SGCD: variants seen among roughly 807,000 people sequenced by gnomAD.
SGCD encodes delta-sarcoglycan.
Under a neutral mutation model 36.6 loss-of-function variants are expected in SGCD, and 18 were observed. The observed-to-expected ratio is 0.49, with a 90% CI of 0.34 to 0.73. The LOEUF is 0.73. SGCD is among the 30% of genes least tolerant of loss of function. The pLI, the probability that SGCD is intolerant of heterozygous loss-of-function variation, is 0.01. For missense variants in SGCD, 387 were observed against 346.7 expected, an observed-to-expected ratio of 1.12 and a Z score of -0.92; for synonymous variants, 133 against 130.6, an observed-to-expected ratio of 1.02 and a Z score of -0.12.
At chr5:155,862,032 G>T in the SGCD span, among the ~76,000 whole-genome samples, 2 of 152,292 alleles carry the variant, frequency 1.3e-5, no homozygotes, top group East Asian at 3.9e-4. Flanking sequence ...GCTGCTAGCT[G>T]TTCTTCTCAG....
chr5:155,810,061 G>A, the SGCD span, among the ~76,000 whole-genome samples: 6 of 152,138 alleles, frequency 3.9e-5, no homozygotes, highest in African/African-American at 1.4e-4. Flanking sequence ...AATAATTGAT[G>A]TAGGGTTATT....
chr5:156,302,396 G>T (rs1767077733), intron 3 of SGCD, among the ~76,000 whole-genome samples: 1 of 151,866 alleles, frequency 6.6e-6, no homozygotes, highest in African/African-American at 2.4e-5. Context: ...ACATTTATCT[G>T]CTGGGACTCT....
rs995515938 is a variant in SGCD, at chr5:156,594,923, A to G, written c.383-9A>G. On this transcript the variant is annotated splice_polypyrimidine_tract_variant and intron_variant, in intron 5 of 8. Coordinates refer to ENST00000337851, the MANE Select transcript of SGCD (RefSeq NM_000337.6). ...CCTCTCTATCTCTCTATCTCTCTAT[A>G]TCTCTCAGGTCCAAAAGCCGTAGAA... 1.3e-6 allele frequency: 2 copies of G among 1,575,896 alleles called. No homozygotes were observed. Among genetic ancestry groups the G allele is most frequent in the Non-Finnish European group, 1.7e-6 (2 of 1,150,288 alleles).
chr5:156,596,841 A>G (rs6556729), intron 6 of SGCD, among the ~76,000 whole-genome samples: 48,818 of 151,846 alleles, frequency 0.32, 8,804 homozygotes, highest in African/African-American at 0.5. Context: ...GCATATGTAC[A>G]TGTGTGCATA....
chr5:156,520,899 C>T (rs1757372940), intron 4 of SGCD, among the ~76,000 whole-genome samples: 1 of 151,706 alleles, frequency 6.6e-6, no homozygotes, highest in East Asian at 1.9e-4. Context: ...TGCCTGTAGT[C>T]CCAGCTATTC....
intron 1 of SGCD, among the ~76,000 whole-genome samples, chr5:155,956,739 G>A (rs1364249914): frequency 6.6e-6 from 1 of 151,668 alleles, no homozygotes; most frequent in Non-Finnish European, 1.5e-5. Context: ...ACCTTCACAT[G>A]GCCTTCATTG....
chr5:155,789,691 A>T, the SGCD span, among the ~76,000 whole-genome samples: 1 of 152,082 alleles, frequency 6.6e-6, no homozygotes, highest in Non-Finnish European at 1.5e-5. Context: ...TTACATAGTG[A>T]TTTCTCAGTT....
intron 3 of SGCD, among the ~76,000 whole-genome samples, chr5:156,497,165 C>T (rs950642001): frequency 1.4e-5 from 2 of 143,880 alleles, no homozygotes; most frequent in Non-Finnish European, 3.0e-5. Flanking sequence ...TTCTCACTCT[C>T]CTGCACTCTC....
At chr5:156,195,617 A>G (rs1164296793) in intron 3 of SGCD, among the ~76,000 whole-genome samples, 1 of 152,088 alleles carries the variant, frequency 6.6e-6, no homozygotes, top group African/African-American at 2.4e-5. Context: ...ATTTTTTTCT[A>G]TGCGTATGGA....
chr5:156,690,781 A>C (rs1393330775), intron 7 of SGCD, among the ~76,000 whole-genome samples: 1 of 152,310 alleles, frequency 6.6e-6, no homozygotes, highest in Admixed American at 6.5e-5. Context: ...AGAGATGCCA[A>C]GGAAAATGAA....
chr5:156,125,713 A>G (rs1451686330), intron 3 of SGCD, among the ~76,000 whole-genome samples: 2 of 151,904 alleles, frequency 1.3e-5, no homozygotes, highest in Non-Finnish European at 2.9e-5. Context: ...AGGACCAAAT[A>G]GGTAATTAAC....
At chr5:156,094,127 G>A (rs1761319450) in intron 1 of SGCD, among the ~76,000 whole-genome samples, 1 of 152,128 alleles carries the variant, frequency 6.6e-6, no homozygotes, top group Non-Finnish European at 1.5e-5. Flanking sequence ...TTTATGGTGG[G>A]GACAAAGCAG....
chr5:155,942,295 C>CATGTATGT (rs561919666), intron 1 of SGCD, among the ~76,000 whole-genome samples: 18 of 146,956 alleles, frequency 1.2e-4, no homozygotes, highest in Non-Finnish European at 2.7e-4. Flanking sequence ...TGTATGTACG[C>CATGTATGT]ATGTATGTAT....
chr5:156,589,319 G>A lies in SGCD; in HGVS notation c.382+1G>A, dbSNP rs1280458272. On this transcript the variant is annotated splice_donor_variant, in intron 5 of 8. Transcript: ENST00000337851. LOFTEE classifies it high-confidence loss of function. ...AAAGTGCTAACTCAGCTTATAACAG[G>A]TAAGAAAAGGGAGAACTTAACAGTG... 6.5e-7 allele frequency: 1 copy of A among 1,545,856 alleles called. No homozygotes were observed. Among genetic ancestry groups the A allele is most frequent in the East Asian group, 2.3e-5 (1 of 42,884 alleles).
intron 1 of SGCD, among the ~76,000 whole-genome samples, chr5:155,932,270 G>A (rs897745771): frequency 1.3e-5 from 2 of 152,078 alleles, no homozygotes; most frequent in African/African-American, 4.8e-5. Context: ...ATATTTAATT[G>A]AGTAATTATT....
chr5:156,011,858 C>G (rs1467408468), intron 1 of SGCD, among the ~76,000 whole-genome samples: 1 of 152,186 alleles, frequency 6.6e-6, no homozygotes, highest in Non-Finnish European at 1.5e-5. Flanking sequence ...GGATAAAAGT[C>G]AAGCACACAG....
chr5:156,727,409 G>C (rs535870973), intron 7 of SGCD, among the ~76,000 whole-genome samples: 29 of 152,258 alleles, frequency 1.9e-4, no homozygotes, highest in African/African-American at 7.0e-4. Context: ...CTAAAATTTG[G>C]TCAAGCAAAG....
chr5:156,122,091 G>A (rs1762056337), intron 2 of SGCD, among the ~76,000 whole-genome samples: 3 of 152,126 alleles, frequency 2.0e-5, no homozygotes, highest in South Asian at 4.1e-4. Flanking sequence ...CATCTAGTCA[G>A]TATTCCATAG....
chr5:156,751,676 A>G (rs533823177), intron 7 of SGCD, among the ~76,000 whole-genome samples: 2 of 152,348 alleles, frequency 1.3e-5, no homozygotes, highest in South Asian at 4.1e-4. Context: ...AAAATCCCAA[A>G]TGGCTTACAA....
Sources: gnomAD v4.1 joint callset for allele counts (sites outside exome capture counted in the v4.1 genomes callset) on GRCh38, gnomAD v4.1.1 for gene constraint, MANE v1.5 for transcripts, NCBI Gene and HGNC (gene_info 2026-07-23, HGNC 2026-07-21) for gene names.